The following SRGAP2 variants were observed in gnomAD, a reference collection of about 807,000 sequenced individuals.
SRGAP2 encodes the protein SLIT-ROBO Rho GTPase-activating protein 2.
In SRGAP2, 15 loss-of-function variants were observed where a neutral mutation model predicts 57.2. The ratio of observed to expected loss-of-function variants is 0.26; its 90% CI spans 0.18 to 0.40. SRGAP2 has a LOEUF of 0.40. Among genes scored for constraint, SRGAP2 ranks in the 10% least tolerant of loss-of-function variants. The pLI is 1.00. For synonymous variants in SRGAP2, 249 were observed against 248.0 expected (o/e 1.00, Z -0.04); for missense variants, 520 against 669.6 (o/e 0.78, Z 2.47).
intron 21 of SRGAP2, among the ~76,000 whole-genome samples, chr1:206,456,430 C>A (rs1284748376): frequency 6.6e-6 from 1 of 152,148 alleles, no homozygotes; most frequent in Non-Finnish European, 1.5e-5. Flanking sequence ...ATTTACAATT[C>A]TGTGTTAAAT....
intron 5 of SRGAP2, among the ~76,000 whole-genome samples, chr1:206,386,694 G>T (rs1656298813): frequency 7.0e-6 from 1 of 142,880 alleles, no homozygotes; most frequent in Non-Finnish European, 1.5e-5. Flanking sequence ...AGCTACTGGG[G>T]AGGCTGAGGC....
Position 206,415,924 on chromosome 1 carries a change from C to A in SRGAP2, c.1392C>A (p.Ile464=), listed in dbSNP as rs1553361744. The A allele has an allele frequency of 2.6e-6, 2 of 780,484 alleles. No homozygotes were observed. The highest frequency in any genetic ancestry group is 3.4e-5 in the African/African-American group (2 of 59,126). 48.3% of individuals were successfully genotyped at this position (780,484 alleles called of 1,614,324 possible). A position where few individuals can be genotyped will look rare whatever the true frequency, so the allele number is the denominator to read the frequency against. The change falls in exon 11 of 23, where the codon ATC becomes ATA. Residue 464 remains isoleucine, a synonymous_variant. Coordinates refer to ENST00000573034, the MANE Select transcript of SRGAP2 (RefSeq NM_015326.5). ...MKEYLEGRNL[I]TKLQAKHDLL... ...AGTACCTGGAGGGCAGGAACCTCAT[C>A]ACCAAGTTACAAGCCAAGCATGACC...
chr1:206,310,444 A>G (rs1447683061), intron 3 of SRGAP2, among the ~76,000 whole-genome samples: 2 of 152,178 alleles, frequency 1.3e-5, no homozygotes, highest in South Asian at 2.1e-4. Context: ...CTCACCTGAT[A>G]TATTTTTAGC....
intron 21 of SRGAP2, chr1:206,455,335 T>A (rs1663739499): frequency 7.8e-6 from 3 of 385,200 alleles, no homozygotes; most frequent in African/African-American, 6.3e-5. Context: ...TGACCAAAGC[T>A]TTGGTCACTT....
chr1:206,434,038 A>G (rs1486837969), intron 14 of SRGAP2, among the ~76,000 whole-genome samples: 1 of 152,192 alleles, frequency 6.6e-6, no homozygotes, highest in Non-Finnish European at 1.5e-5. Flanking sequence ...TCCCTAAAAA[A>G]CCATAGTAAA....
At chr1:206,289,436 C>A (rs1671190859) in intron 2 of SRGAP2, among the ~76,000 whole-genome samples, 1 of 150,934 alleles carries the variant, frequency 6.6e-6, no homozygotes, top group Non-Finnish European at 1.5e-5. Context: ...CCACGCCCAG[C>A]TACTTTTTTT....
intron 3 of SRGAP2, among the ~76,000 whole-genome samples, chr1:206,322,418 CAA>C (rs797032091): frequency 7.2e-6 from 1 of 138,226 alleles, no homozygotes; most frequent in Non-Finnish European, 1.6e-5. Context: ...CTAAAAAATA[CAA>C]AAAAAAAAAA....
chr1:206,438,752 G>T (rs1468692658), intron 16 of SRGAP2, among the ~76,000 whole-genome samples: 1 of 152,238 alleles, frequency 6.6e-6, no homozygotes, highest in Non-Finnish European at 1.5e-5. Flanking sequence ...ATACAGGTCA[G>T]CCTGGAAGCA....
intron 2 of SRGAP2, among the ~76,000 whole-genome samples, chr1:206,254,236 AATG>A (rs1553311750): frequency 3.8e-5 from 4 of 104,624 alleles, no homozygotes; most frequent in African/African-American, 9.9e-5. Flanking sequence ...AAAGAAATAT[AATG>A]AACCTCCATG....
At chr1:206,429,275 T>A (rs1315989510) in intron 13 of SRGAP2, among the ~76,000 whole-genome samples, 1 of 152,158 alleles carries the variant, frequency 6.6e-6, no homozygotes, top group Non-Finnish European at 1.5e-5. Context: ...TTAGAGTTAG[T>A]TTTTCTTTTC....
intron 2 of SRGAP2, among the ~76,000 whole-genome samples, chr1:206,301,019 C>T (rs1285107195): frequency 3.3e-5 from 5 of 152,078 alleles, no homozygotes; most frequent in African/African-American, 4.8e-5. Context: ...ACCCTAAAAA[C>T]GCCTTGGTTC....
chr1:206,356,563 A>G (rs530864426), intron 4 of SRGAP2, among the ~76,000 whole-genome samples: 1 of 152,210 alleles, frequency 6.6e-6, no homozygotes, highest in South Asian at 2.1e-4. Flanking sequence ...TGCTATTCTG[A>G]TTCTGCTTCT....
At chr1:206,318,691 G>T (rs61816785) in intron 3 of SRGAP2, among the ~76,000 whole-genome samples, 14,655 of 150,720 alleles carry the variant, frequency 0.097, 846 homozygotes, top group African/African-American at 0.29. Flanking sequence ...ATGGCAGAAG[G>T]CACCGGGGAG....
At chr1:206,343,976 G>T in intron 4 of SRGAP2, among the ~76,000 whole-genome samples, 1 of 148,914 alleles carries the variant, frequency 6.7e-6, no homozygotes, top group East Asian at 2.0e-4. Context: ...ATTATAGAGG[G>T]CTATTTAGAA....
Position 206,298,983 on chromosome 1 carries a change from T to C in SRGAP2, c.68-4298T>C, listed in dbSNP as rs1306579383. 2.0e-5 allele frequency among the ~76,000 whole-genome samples: 3 copies of C among 152,186 alleles called. No homozygotes were observed. The South Asian group carries it at 6.2e-4, about 31-fold the overall frequency. On this transcript the variant is annotated intron_variant, in intron 2 of 22. Coordinates refer to ENST00000573034, the MANE Select transcript of SRGAP2 (RefSeq NM_015326.5). ...TTTAGACAGGGCTTAGACCTGTCTTTTCCTCCTTTGTCACCATCACCTAGC... is the reference window on the plus strand; with the variant it reads ...TTTAGACAGGGCTTAGACCTGTCTTCTCCTCCTTTGTCACCATCACCTAGC...
intron 17 of SRGAP2, among the ~76,000 whole-genome samples, chr1:206,444,752 G>A (rs1194355066): frequency 3.3e-5 from 5 of 152,172 alleles, no homozygotes; most frequent in Non-Finnish European, 5.9e-5. Flanking sequence ...CTCAGGATCC[G>A]GGGAAGGATT....
chr1:206,314,094 T>TTG (rs1449684509), intron 3 of SRGAP2, among the ~76,000 whole-genome samples: 12 of 130,316 alleles, frequency 9.2e-5, no homozygotes, highest in African/African-American at 3.6e-4. Flanking sequence ...AGGGGCTTTT[T>TTG]TGTTTTTTTT....
chr1:206,436,682 A>G (rs575140804), intron 14 of SRGAP2, among the ~76,000 whole-genome samples: 6 of 152,286 alleles, frequency 3.9e-5, no homozygotes, highest in African/African-American at 1.4e-4. Context: ...TGCTTTACAG[A>G]TGGGAAAAGA....
At chr1:206,286,406 A>G (rs1420489474) in intron 2 of SRGAP2, among the ~76,000 whole-genome samples, 34 of 152,112 alleles carry the variant, frequency 2.2e-4, no homozygotes, top group Admixed American at 7.2e-4. Flanking sequence ...GCAAAACTGA[A>G]AAGTAAAAAG....
Sources: allele counts gnomAD v4.1 joint callset (sites outside exome capture counted in the v4.1 genomes callset), GRCh38; gene constraint gnomAD v4.1.1; transcripts MANE v1.5; gene names NCBI Gene and HGNC (gene_info 2026-07-23, HGNC 2026-07-21).